The following TBC1D12 variants were observed in gnomAD, a reference collection of about 807,000 sequenced individuals.
The protein encoded by TBC1D12 is TBC1 domain family member 12.
In TBC1D12, 56 loss-of-function variants were observed where a neutral mutation model predicts 86.7. That is an observed-to-expected ratio of 0.65 (90% CI 0.52 to 0.81). The LOEUF (loss-of-function observed/expected upper bound fraction) is 0.81. TBC1D12 is among the 30% of genes least tolerant of loss of function. The pLI is 0.00. For missense variants in TBC1D12, 1,023 were observed against 1,038.8 expected (o/e 0.98, Z 0.21); for synonymous variants, 421 against 411.7 (o/e 1.02, Z -0.27).
intron 5 of TBC1D12, among the ~76,000 whole-genome samples, chr10:94,499,874 T>C (rs1390544578): frequency 6.6e-6 from 1 of 152,226 alleles, no homozygotes; most frequent in Non-Finnish European, 1.5e-5. Context: ...CTTCCCACTG[T>C]AGATTCTTGG....
At chr10:94,470,070 GT>G (rs1206737579) in intron 2 of TBC1D12, among the ~76,000 whole-genome samples, 2 of 152,176 alleles carry the variant, frequency 1.3e-5, no homozygotes, top group Non-Finnish European at 2.9e-5. Flanking sequence ...TTTTAGGAAT[GT>G]AGATGAAAAT....
At chr10:94,421,019 T>C (rs1428862996) in intron 1 of TBC1D12, among the ~76,000 whole-genome samples, 3 of 152,190 alleles carry the variant, frequency 2.0e-5, no homozygotes, top group African/African-American at 7.2e-5. Context: ...AACCCTCTTT[T>C]AGCTGTTTTG....
chr10:94,434,839 C>T (rs1298408191), intron 1 of TBC1D12, among the ~76,000 whole-genome samples: 2 of 152,094 alleles, frequency 1.3e-5, no homozygotes, highest in Non-Finnish European at 2.9e-5. Flanking sequence ...CCTGAGAGGT[C>T]GAGCTCTTTT....
chr10:94,501,096 G>A (rs61654023), intron 6 of TBC1D12, among the ~76,000 whole-genome samples: 11,128 of 148,766 alleles, frequency 0.075, 610 homozygotes, highest in African/African-American at 0.15. Flanking sequence ...ATGAATGAAT[G>A]AATAAATAAA....
intron 1 of TBC1D12, among the ~76,000 whole-genome samples, chr10:94,405,811 CA>C (rs1367813047): frequency 4.9e-5 from 7 of 142,656 alleles, no homozygotes; most frequent in South Asian, 2.4e-4. Context: ...AATTTCTGAA[CA>C]TTTTTTTTTT....
intron 3 of TBC1D12, among the ~76,000 whole-genome samples, chr10:94,490,891 G>A (rs979237902): frequency 6.6e-6 from 1 of 150,876 alleles, no homozygotes; most frequent in African/African-American, 2.4e-5. Context: ...TTCTTTCTCT[G>A]GCTGTAGTTA....
chr10:94,408,071 TTC>T (rs1391405464), intron 1 of TBC1D12, among the ~76,000 whole-genome samples: 16 of 152,238 alleles, frequency 1.1e-4, no homozygotes, highest in Non-Finnish European at 1.6e-4. Context: ...TTTCATAGTT[TTC>T]TGTTTGTTTG....
intron 1 of TBC1D12, among the ~76,000 whole-genome samples, chr10:94,436,870 G>A (rs1380006039): frequency 1.3e-5 from 2 of 151,582 alleles, no homozygotes; most frequent in Admixed American, 6.6e-5. Flanking sequence ...ACCACGCACA[G>A]CTAATTTTTG....
At chr10:94,434,920 C>G (rs770089873) in intron 1 of TBC1D12, among the ~76,000 whole-genome samples, 18 of 152,274 alleles carry the variant, frequency 1.2e-4, no homozygotes, top group Middle Eastern at 3.4e-3. Flanking sequence ...GCCCCACCTC[C>G]AAATACTGTT....
intron 1 of TBC1D12, among the ~76,000 whole-genome samples, chr10:94,411,796 A>G (rs2134050523): frequency 6.6e-6 from 1 of 152,226 alleles, no homozygotes; most frequent in African/African-American, 2.4e-5. Flanking sequence ...TGTCTCTTCA[A>G]AAAATAAAAA....
chr10:94,476,992 A>G (rs1324309318), intron 3 of TBC1D12, among the ~76,000 whole-genome samples: 1 of 152,236 alleles, frequency 6.6e-6, no homozygotes, highest in Non-Finnish European at 1.5e-5. Flanking sequence ...CAATTCCTTG[A>G]AATAATGTTC....
rs962705757 is a variant in TBC1D12 at position 94,403,350 on chromosome 10, G to T, written c.737G>T (p.Gly246Val). The T allele has an allele frequency of 1.1e-5, 17 of 1,524,610 alleles. No homozygotes were observed. The highest frequency in any genetic ancestry group is 1.9e-4 in the Middle Eastern group (1 of 5,372). 94.4% of individuals were successfully genotyped at this position (1,524,610 alleles called of 1,614,324 possible). The change falls in exon 1 of 13, where the codon GGC (glycine) becomes GTC (valine). Residue 246 changes from glycine (G) to valine (V), a missense_variant. Coordinates refer to ENST00000225235, the MANE Select transcript of TBC1D12 (RefSeq NM_015188.2). ...GTCGGCGCCGGGGGTCCCGAGGAGG[G>T]CGCGCCCCCTGCCACCTCGGCCGAG... ...RGVGAGGPEE[G>V]APPATSAERT... is the part of the protein sequence containing the mutation.
chr10:94,465,754 G>C (rs1323949722), intron 2 of TBC1D12, among the ~76,000 whole-genome samples: 1 of 146,130 alleles, frequency 6.8e-6, no homozygotes, highest in African/African-American at 2.5e-5. Flanking sequence ...ACATACATAT[G>C]TATACATACA....
intron 2 of TBC1D12, among the ~76,000 whole-genome samples, chr10:94,466,798 C>T (rs1350358095): frequency 6.6e-6 from 1 of 152,178 alleles, no homozygotes; most frequent in African/African-American, 2.4e-5. Flanking sequence ...CCAGACTTCA[C>T]TTGGATTTCA....
At chr10:94,429,516 C>G (rs1237563768) in intron 1 of TBC1D12, among the ~76,000 whole-genome samples, 1 of 151,972 alleles carries the variant, frequency 6.6e-6, no homozygotes, top group Non-Finnish European at 1.5e-5. Flanking sequence ...CAAGGGTAAC[C>G]AAAGTACTGA....
At chr10:94,526,454 A>G (rs527491723) in intron 11 of TBC1D12, among the ~76,000 whole-genome samples, 1 of 152,054 alleles carries the variant, frequency 6.6e-6, no homozygotes. Context: ...AAAAGAAAGA[A>G]AAAGAGAGTG....
intron 2 of TBC1D12, among the ~76,000 whole-genome samples, chr10:94,473,758 T>C (rs745921326): frequency 6.6e-5 from 10 of 152,216 alleles, no homozygotes; most frequent in Non-Finnish European, 1.3e-4. Flanking sequence ...AAATTTGGTA[T>C]TGATCTTTGG....
At position 94,441,880 on chromosome 10, in the gene TBC1D12, CTT is replaced by C. The variant is rs34133298; in HGVS notation, c.972-13_972-12del. 6 of 1,605,984 alleles carry C rather than the reference CTT, an allele frequency of 3.7e-6. No individual in the cohort carries two copies. The highest frequency in any genetic ancestry group is 5.1e-6 in the Non-Finnish European group (6 of 1,176,938). On this transcript the variant is annotated splice_polypyrimidine_tract_variant and intron_variant, in intron 1 of 12. Transcript: ENST00000225235. ...GTTACAAAAAACACAATTCATGTAACTTTTCTGTGTTTCAGAAACCTTTTTCC... is the reference window on the plus strand; with the variant it reads ...GTTACAAAAAACACAATTCATGTAACTTCTGTGTTTCAGAAACCTTTTTCC...
At chr10:94,445,792 A>G (rs903694890) in intron 2 of TBC1D12, among the ~76,000 whole-genome samples, 7 of 152,248 alleles carry the variant, frequency 4.6e-5, no homozygotes, top group African/African-American at 1.7e-4. Flanking sequence ...TACTAAAAAT[A>G]CAAAAATTAG....
Sources: allele counts gnomAD v4.1 joint callset (sites outside exome capture counted in the v4.1 genomes callset), GRCh38; gene constraint gnomAD v4.1.1; transcripts MANE v1.5; gene names NCBI Gene and HGNC (gene_info 2026-07-23, HGNC 2026-07-21).